The following TRAF5 variants were observed in gnomAD, a reference collection of about 807,000 sequenced individuals.
TRAF5 encodes TNF receptor-associated factor 5.
Under a neutral mutation model 64.5 loss-of-function variants are expected in TRAF5, and 48 were observed. That is an observed-to-expected ratio of 0.74 (90% CI 0.59 to 0.95). TRAF5 has a LOEUF of 0.95. TRAF5 is among the 40% of genes least tolerant of loss of function. The pLI, the probability that TRAF5 is intolerant of heterozygous loss-of-function variation, is 0.00. For synonymous variants in TRAF5, 206 were observed against 240.5 expected (o/e 0.86, Z 1.33); for missense variants, 545 against 662.8 (o/e 0.82, Z 1.95).
upstream of TRAF5, chr1:211,326,721 G>A: frequency 1.0e-6 from 1 of 985,896 alleles, no homozygotes; most frequent in Non-Finnish European, 1.2e-6. The surrounding 1 kb of genome is among the most constrained non-coding windows in gnomAD (Gnocchi z 5.0). Flanking sequence ...GCCTCCTCCC[G>A]ACCCCTTCCT....
intron 8 of TRAF5, among the ~76,000 whole-genome samples, chr1:211,367,613 T>C (rs1703397636): frequency 6.6e-6 from 1 of 152,124 alleles, no homozygotes; most frequent in African/African-American, 2.4e-5. Flanking sequence ...GTAAATGACA[T>C]GCAGAAAGCT....
At chr1:211,362,914 C>T (rs1450807346) in intron 7 of TRAF5, among the ~76,000 whole-genome samples, 1 of 151,942 alleles carries the variant, frequency 6.6e-6, no homozygotes, top group Non-Finnish European at 1.5e-5. Context: ...AGAAACCTTA[C>T]ATGTTAATAA....
At chr1:211,327,289 CAT>C (rs1702045076) in intron 1 of TRAF5, among the ~76,000 whole-genome samples, 1 of 152,170 alleles carries the variant, frequency 6.6e-6, no homozygotes, top group Non-Finnish European at 1.5e-5. Context: ...ACGTCCCGCA[CAT>C]CCGCACTGCA....
chr1:211,367,495 G>A (rs936304587), intron 8 of TRAF5, among the ~76,000 whole-genome samples: 2 of 152,334 alleles, frequency 1.3e-5, no homozygotes, highest in Middle Eastern at 3.4e-3. Flanking sequence ...TACTTCAATA[G>A]TAGGTGGAAG....
At chr1:211,326,643 G>A, upstream of TRAF5, 13 of 975,362 alleles carry the variant, frequency 1.3e-5, no homozygotes, top group Non-Finnish European at 1.5e-5. The surrounding 1 kb of genome is among the most constrained non-coding windows in gnomAD (Gnocchi z 5.0). Flanking sequence ...TCAGATGACT[G>A]GACTTGTAGA....
intron 8 of TRAF5, among the ~76,000 whole-genome samples, chr1:211,368,148 G>A (rs1415731074): frequency 6.6e-6 from 1 of 152,148 alleles, no homozygotes; most frequent in Non-Finnish European, 1.5e-5. Flanking sequence ...AATAGGAGTT[G>A]TGTGGTCTTG....
chr1:211,353,429 T>C lies in TRAF5; in HGVS notation c.190T>C (p.Phe64Leu). The C allele has an allele frequency of 6.2e-7, 1 of 1,613,758 alleles. No individual in the cohort carries two copies. Among genetic ancestry groups the C allele is most frequent in the South Asian group, 1.1e-5 (1 of 91,056 alleles). Reference sequence around the variant, plus strand: ...CCACCAGACAGGATGTGGGCACCGCTTCTGCCAGCACTGCATCCTGTCCCT... The same window carrying C: ...CCACCAGACAGGATGTGGGCACCGCCTCTGCCAGCACTGCATCCTGTCCCT... ...NPHQTGCGHR[F>L]CQHCILSLRE... The change falls in exon 2 of 11, where the codon TTC becomes CTC. Residue 64 changes from phenylalanine to leucine, a missense_variant. Coordinates refer to ENST00000261464, the MANE Select transcript of TRAF5 (RefSeq NM_001033910.3).
chr1:211,361,978 C>T (rs1404323820), intron 7 of TRAF5, among the ~76,000 whole-genome samples: 3 of 151,854 alleles, frequency 2.0e-5, no homozygotes, highest in Admixed American at 6.6e-5. Context: ...ATTACAGCAC[C>T]GTGCCTGGCC....
chr1:211,359,428 A>C (rs1417681327), intron 4 of TRAF5: 1 of 152,042 alleles, frequency 6.6e-6, no homozygotes, highest in Non-Finnish European at 1.5e-5. Context: ...TTCTTCCTTG[A>C]GTTAGGATAT....
rs769724515 is a variant in TRAF5 at position 211,359,984 on chromosome 1, A to C, written c.451A>C (p.Lys151Gln). 3.1e-6 allele frequency: 5 copies of C among 1,614,128 alleles called. No homozygotes were observed. In the South Asian group the frequency reaches 5.5e-5, roughly 18 times the overall value. ...GAAGTGCCGGGAGCCAGTCCTACGG[A>C]AAGACCTGAAAGAGCATTTGAGTGC... The part of the protein sequence containing the change: ...NEKCREPVLR[K>Q]DLKEHLSASC... The change falls in exon 5 of 11, where the codon AAA (lysine) becomes CAA (glutamine). Residue 151 changes from lysine to glutamine, a missense_variant. Lys to Gln is a moderately conservative substitution (Grantham distance 53). Coordinates refer to ENST00000261464, the MANE Select transcript of TRAF5 (RefSeq NM_001033910.3).
Position 211,369,669 on chromosome 1 carries a change from A to G in TRAF5, c.930+77A>G, listed in dbSNP as rs543406831. ...GAGAGTTTTTCTTTTAACTTCTTAA[A>G]TAGAAATAATTTAAAATATACAGAA... On this transcript the variant is annotated intron_variant, in intron 9 of 10. Coordinates refer to ENST00000261464, the MANE Select transcript of TRAF5 (RefSeq NM_001033910.3). 2.6e-4 allele frequency: 352 copies of G among 1,362,672 alleles called. 7 individuals are homozygous for G. The South Asian group carries it at 3.7e-3, about 14-fold the overall frequency. 84.4% of individuals were successfully genotyped at this position (1,362,672 alleles called of 1,614,324 possible). A position where few individuals can be genotyped will look rare whatever the true frequency, so the allele number is the denominator to read the frequency against.
At chr1:211,369,343 T>C in intron 8 of TRAF5, 109 bp from the exon 9 acceptor site, 1 of 1,008,256 alleles carries the variant, frequency 9.9e-7, no homozygotes, top group African/African-American at 1.7e-5. Flanking sequence ...AATAAATATG[T>C]AGATTTTTTC....
In TRAF5 at chr1:211,372,174, T is replaced by C; in HGVS notation, c.1146T>C (p.Ile382=). ...ACAAACATGATACCCACATTAATAT[T>C]CATAAAGCACAGCTGAGTAAAAATG... The part of the protein sequence containing the change: ...ETNKHDTHIN[I]HKAQLSKNEE... The change falls in exon 11 of 11, where the codon ATT becomes ATC. Residue 382 remains isoleucine, a synonymous_variant. Transcript: ENST00000261464. The C allele has an allele frequency of 7.4e-6, 12 of 1,613,680 alleles. No individual in the cohort carries two copies. Among genetic ancestry groups the C allele is most frequent in the Admixed American group, 1.7e-5 (1 of 59,950 alleles).
At chr1:211,341,272 G>A (rs1166932251) in intron 1 of TRAF5, among the ~76,000 whole-genome samples, 1 of 152,174 alleles carries the variant, frequency 6.6e-6, no homozygotes, top group African/African-American at 2.4e-5. Context: ...GCCACCAAGA[G>A]GTGTGGTTCA....
At chr1:211,341,573 T>C (rs1248051149) in intron 1 of TRAF5, among the ~76,000 whole-genome samples, 2 of 152,196 alleles carry the variant, frequency 1.3e-5, no homozygotes, top group African/African-American at 4.8e-5. Context: ...AGAGAGGCAC[T>C]GATGGGATCT....
rs1002243536 is a variant in TRAF5, at chr1:211,371,568, C to T, written c.1099+98C>T. 3 of 1,209,462 alleles carry T rather than the reference C, an allele frequency of 2.5e-6. No individual in the cohort carries two copies. In the African/African-American group the frequency reaches 4.8e-5, roughly 19 times the overall value. The allele number at this position is 1,209,462 out of a possible 1,614,324, so 74.9% of individuals were successfully genotyped here. On this transcript the variant is annotated intron_variant, in intron 10 of 10. Transcript: ENST00000261464. ...GGCCAAATAGAGAGTCACATCTGTC[C>T]AGGATAAACAATGGCTGAATCTGCT...
chr1:211,365,586 G>A, intron 8 of TRAF5, 118 bp downstream of exon 8: 1 of 800,542 alleles, frequency 1.2e-6, no homozygotes, highest in Non-Finnish European at 1.9e-6. Flanking sequence ...AGAGGTAGAT[G>A]TTTTTCTATT....
rs1572075696 is a variant in TRAF5, at chr1:211,354,288, G to A, written c.219-122G>A. The A allele has an allele frequency of 3.8e-6, 3 of 790,592 alleles. No homozygotes were observed. In the East Asian group the frequency reaches 8.0e-5, roughly 21 times the overall value. 49.0% of individuals were successfully genotyped at this position (790,592 alleles called of 1,614,324 possible). On this transcript the variant is annotated intron_variant, in intron 2 of 10. Transcript: ENST00000261464. ...AGGCCCCTTCTGGGTAGAGGGAACA[G>A]CATGTGCAGACAGGGACCAGCCTGC...
intron 1 of TRAF5, among the ~76,000 whole-genome samples, chr1:211,343,695 A>G (rs1298057099): frequency 6.6e-6 from 1 of 151,920 alleles, no homozygotes; most frequent in Non-Finnish European, 1.5e-5. Context: ...GGCTCCATTC[A>G]CTTCTTTTAA....
Sources: gnomAD v4.1 joint callset for allele counts (sites outside exome capture counted in the v4.1 genomes callset) on GRCh38, gnomAD v4.1.1 for gene constraint, Gnocchi (gnomAD v3.1) non-coding constraint, MANE v1.5 for transcripts, NCBI Gene and HGNC (gene_info 2026-07-23, HGNC 2026-07-21) for gene names.